The following SHC4 variants were observed in gnomAD, a reference collection of about 807,000 sequenced individuals.
SHC4 encodes the protein SHC-transforming protein 4.
A neutral mutation model predicts 69.4 loss-of-function variants in SHC4; 41 were observed. The observed-to-expected ratio is 0.59, with a 90% CI of 0.46 to 0.77. The LOEUF (loss-of-function observed/expected upper bound fraction) is 0.77, where lower values mean the gene tolerates loss of function less well. Ranked by LOEUF, SHC4 falls within the 30% of genes least tolerant of loss-of-function variation. The pLI is 0.00. For missense variants in SHC4, 777 were observed against 783.8 expected (o/e 0.99, Z 0.10); for synonymous variants, 318 against 299.3 (o/e 1.06, Z -0.64).
At chr15:48,850,391 A>G (rs936922485) in intron 9 of SHC4, among the ~76,000 whole-genome samples, 4 of 152,102 alleles carry the variant, frequency 2.6e-5, no homozygotes, top group African/African-American at 9.7e-5. Context: ...CATTGGTGTA[A>G]TTCCATAAGA....
chr15:48,841,561 T>A (rs1452237444), intron 10 of SHC4, among the ~76,000 whole-genome samples: 1 of 152,154 alleles, frequency 6.6e-6, no homozygotes, highest in Non-Finnish European at 1.5e-5. Context: ...ATCCCAAGAC[T>A]GAGATAAATG....
intron 2 of SHC4, among the ~76,000 whole-genome samples, chr15:48,899,555 T>C (rs1051866371): frequency 1.3e-5 from 2 of 152,102 alleles, no homozygotes; most frequent in African/African-American, 4.8e-5. Context: ...CAGCAATTGG[T>C]GTAATGAATA....
At chr15:48,937,754 A>T (rs942915010) in intron 1 of SHC4, among the ~76,000 whole-genome samples, 1 of 152,198 alleles carries the variant, frequency 6.6e-6, no homozygotes, top group Admixed American at 6.5e-5. Flanking sequence ...GTGACTTGAC[A>T]AAAGATTGCT....
At chr15:48,927,191 A>T (rs1389340504) in intron 1 of SHC4, among the ~76,000 whole-genome samples, 6 of 152,174 alleles carry the variant, frequency 3.9e-5, no homozygotes, top group Non-Finnish European at 5.9e-5. Flanking sequence ...GCATGAAAAG[A>T]TTGTCCATAT....
chr15:48,888,833 G>A (rs1401013850), intron 3 of SHC4, among the ~76,000 whole-genome samples: 1 of 149,508 alleles, frequency 6.7e-6, no homozygotes, highest in Non-Finnish European at 1.5e-5. Context: ...AGGAGGCAGA[G>A]GTTGCAGTGA....
At chr15:48,913,349 A>G (rs1336015896) in intron 2 of SHC4, among the ~76,000 whole-genome samples, 1 of 151,912 alleles carries the variant, frequency 6.6e-6, no homozygotes, top group Admixed American at 6.6e-5. Context: ...TCCTCTGCTG[A>G]GTCATGTTGG....
At chr15:48,885,323 A>C (rs1227483624) in intron 3 of SHC4, among the ~76,000 whole-genome samples, 1 of 149,482 alleles carries the variant, frequency 6.7e-6, no homozygotes, top group African/African-American at 2.5e-5. Context: ...CCTTTTATAT[A>C]AAATGTGGGG....
intron 2 of SHC4, among the ~76,000 whole-genome samples, chr15:48,892,616 C>T (rs1567063040): frequency 6.6e-6 from 1 of 152,210 alleles, no homozygotes; most frequent in African/African-American, 2.4e-5. Context: ...AGGCACCCCA[C>T]TCTATTGACA....
chr15:48,927,037 C>A (rs1446070937), intron 1 of SHC4, among the ~76,000 whole-genome samples: 1 of 152,062 alleles, frequency 6.6e-6, no homozygotes, highest in Non-Finnish European at 1.5e-5. Flanking sequence ...CCTTGGGTAC[C>A]TTAAGGAAGT....
chr15:48,934,353 C>T (rs1277870657), intron 1 of SHC4, among the ~76,000 whole-genome samples: 1 of 152,050 alleles, frequency 6.6e-6, no homozygotes, highest in Non-Finnish European at 1.5e-5. Flanking sequence ...TATAATTTAC[C>T]ATTGGGAAAT....
chr15:48,945,742 AG>A (rs1397817093), intron 1 of SHC4, among the ~76,000 whole-genome samples: 1 of 151,982 alleles, frequency 6.6e-6, no homozygotes, highest in Non-Finnish European at 1.5e-5. Context: ...TAATGGTTAC[AG>A]GGTTTCTCTT....
At chr15:48,827,721 T>C (rs1898715426) in intron 11 of SHC4, among the ~76,000 whole-genome samples, 1 of 152,200 alleles carries the variant, frequency 6.6e-6, no homozygotes. Flanking sequence ...TGCTTTAGTT[T>C]GCTAGGGGCT....
At chr15:48,962,179 A>C (rs888370420) in intron 1 of SHC4, among the ~76,000 whole-genome samples, 1 of 152,168 alleles carries the variant, frequency 6.6e-6, no homozygotes, top group Admixed American at 6.5e-5. Context: ...ACACCTGCCA[A>C]GTACCCACAA....
chr15:48,861,059 G>A (rs1377177594), intron 6 of SHC4, among the ~76,000 whole-genome samples: 1 of 152,092 alleles, frequency 6.6e-6, no homozygotes, highest in Admixed American at 6.5e-5. Context: ...TTGAGGTTTG[G>A]GTCCTGTTCA....
intron 4 of SHC4, among the ~76,000 whole-genome samples, chr15:48,882,081 A>G (rs559779404): frequency 1.3e-5 from 2 of 152,196 alleles, no homozygotes; most frequent in South Asian, 4.1e-4. Flanking sequence ...TTATTTTAGA[A>G]CTTCCAGTGG....
chr15:48,867,892 G>A, intron 5 of SHC4, 23 bp from the exon 6 acceptor site: 1 of 1,596,436 alleles, frequency 6.3e-7, no homozygotes, highest in South Asian at 1.1e-5. Flanking sequence ...GAAAATGACT[G>A]TATTTAAAAT....
intron 3 of SHC4, among the ~76,000 whole-genome samples, chr15:48,886,188 C>T (rs193167327): frequency 1.3e-5 from 2 of 152,098 alleles, no homozygotes; most frequent in South Asian, 2.1e-4. Context: ...ACCTGGGAGG[C>T]GGAGGTCACA....
intron 11 of SHC4, 35 bp from the exon 12 acceptor site, chr15:48,826,161 T>C (rs781644017): frequency 3.8e-6 from 6 of 1,573,506 alleles, no homozygotes; most frequent in Non-Finnish European, 5.2e-6. Context: ...TTAGGTTAAA[T>C]TATAGTAGTT....
intron 2 of SHC4, among the ~76,000 whole-genome samples, chr15:48,924,311 C>T (rs907690678): frequency 1.3e-5 from 2 of 152,186 alleles, no homozygotes; most frequent in African/African-American, 4.8e-5. Context: ...CTTTAATGAA[C>T]CATGCCTTGT....
Sources: allele counts gnomAD v4.1 joint callset (sites outside exome capture counted in the v4.1 genomes callset), GRCh38; gene constraint gnomAD v4.1.1; transcripts MANE v1.5; gene names NCBI Gene and HGNC (gene_info 2026-07-23, HGNC 2026-07-21).